Variants in RANBP2 observed in about 807,000 individuals in gnomAD.
The protein encoded by RANBP2 is E3 SUMO-protein ligase RanBP2.
RANBP2 carries 57 observed loss-of-function variants against 303.6 expected under a neutral mutation model. The ratio of observed to expected loss-of-function variants is 0.19; its 90% CI spans 0.15 to 0.23. The LOEUF (loss-of-function observed/expected upper bound fraction) is 0.23. RANBP2 is among the 10% of genes least tolerant of loss of function. RANBP2 has a pLI of 1.00. For missense variants in RANBP2, 3,138 were observed against 3,780.8 expected (o/e 0.83, Z 4.46); for synonymous variants, 1,167 against 1,301.5 (o/e 0.90, Z 2.23).
the RANBP2 span, among the ~76,000 whole-genome samples, chr2:109,554,212 A>G: frequency 6.6e-6 from 1 of 152,140 alleles, no homozygotes; most frequent in Non-Finnish European, 1.5e-5. Context: ...AAATCAGGGA[A>G]TAGATGTTTG....
chr2:108,885,557 A>G, the RANBP2 span: 1 of 152,212 alleles, frequency 6.6e-6, no homozygotes, highest in Non-Finnish European at 1.5e-5. Flanking sequence ...TATTTGTACA[A>G]ATCTATGGGA....
At chr2:109,676,278 C>T in the RANBP2 span, among the ~76,000 whole-genome samples, 1 of 152,222 alleles carries the variant, frequency 6.6e-6, no homozygotes, top group Non-Finnish European at 1.5e-5. Context: ...GTTAGCACCT[C>T]CATCACCCTT....
At chr2:109,253,433 C>T in the RANBP2 span, among the ~76,000 whole-genome samples, 170 of 152,272 alleles carry the variant, frequency 1.1e-3, 1 homozygote, top group African/African-American at 3.8e-3. Flanking sequence ...AGGACGTGGG[C>T]GCTGCTTTCC....
chr2:109,219,479 A>G, the RANBP2 span, among the ~76,000 whole-genome samples: 2 of 152,142 alleles, frequency 1.3e-5, no homozygotes, highest in African/African-American at 4.8e-5. Context: ...AAAATAAATT[A>G]TTGGCTTCCA....
chr2:109,370,266 G>GTC, the RANBP2 span, among the ~76,000 whole-genome samples: 1 of 149,734 alleles, frequency 6.7e-6, no homozygotes, highest in Non-Finnish European at 1.5e-5. Context: ...TTAATATGGA[G>GTC]TCTCACTCTG....
chr2:109,112,375 G>T, the RANBP2 span, among the ~76,000 whole-genome samples: 1 of 142,358 alleles, frequency 7.0e-6, no homozygotes, highest in Non-Finnish European at 1.5e-5. Context: ...GCATTTCTCT[G>T]ATGGCCAGTG....
At chr2:109,629,355 ATTTTTTTTTT>A in the RANBP2 span, among the ~76,000 whole-genome samples, 1 of 15,360 alleles carries the variant, frequency 6.5e-5, no homozygotes, top group African/African-American at 1.8e-4. Context: ...ATATATATAT[ATTTTTTTTTT>A]TTTTTTCATT....
At chr2:109,075,749 T>C in the RANBP2 span, among the ~76,000 whole-genome samples, 1 of 150,436 alleles carries the variant, frequency 6.6e-6, no homozygotes, top group African/African-American at 2.4e-5. Context: ...CCTAGAAGCA[T>C]GCAACCTACC....
At chr2:109,512,991 A>C in the RANBP2 span, among the ~76,000 whole-genome samples, 2 of 152,180 alleles carry the variant, frequency 1.3e-5, no homozygotes, top group African/African-American at 2.4e-5. Flanking sequence ...AAGGGAGGGA[A>C]ACCTGCAAGA....
the RANBP2 span, among the ~76,000 whole-genome samples, chr2:109,083,731 GTTT>G: frequency 6.6e-6 from 1 of 152,128 alleles, no homozygotes; most frequent in Non-Finnish European, 1.5e-5. Context: ...CCACCATCCT[GTTT>G]TCTGCCGTGG....
chr2:109,714,459 G>A, the RANBP2 span, among the ~76,000 whole-genome samples: 18 of 151,202 alleles, frequency 1.2e-4, no homozygotes, highest in Non-Finnish European at 2.5e-4. Flanking sequence ...GCACCACCAC[G>A]CCTGGCTAAT....
At chr2:109,209,828 T>A in the RANBP2 span, among the ~76,000 whole-genome samples, 1 of 152,346 alleles carries the variant, frequency 6.6e-6, no homozygotes, top group Admixed American at 6.5e-5. Context: ...GATTTATTAT[T>A]GTGACAAAAC....
chr2:109,031,465 G>C, the RANBP2 span, among the ~76,000 whole-genome samples: 2 of 152,222 alleles, frequency 1.3e-5, no homozygotes, highest in African/African-American at 2.4e-5. Flanking sequence ...CTGTTGCACC[G>C]GGGACTGGGC....
the RANBP2 span, among the ~76,000 whole-genome samples, chr2:108,997,646 C>T: frequency 6.6e-6 from 1 of 151,948 alleles, no homozygotes; most frequent in African/African-American, 2.4e-5. Flanking sequence ...AATCCCAGTA[C>T]TGTGAGAGGC....
At chr2:109,400,195 A>C in the RANBP2 span, among the ~76,000 whole-genome samples, 1 of 152,134 alleles carries the variant, frequency 6.6e-6, no homozygotes, top group South Asian at 2.1e-4. Context: ...CAGCCTAGAA[A>C]TGCCCCCTAC....
At chr2:109,657,856 AT>A in the RANBP2 span, among the ~76,000 whole-genome samples, 1 of 150,088 alleles carries the variant, frequency 6.7e-6, no homozygotes, top group Non-Finnish European at 1.5e-5. Context: ...AGTAGCTGGT[AT>A]TACAGGCACG....
chr2:109,683,118 G>A, the RANBP2 span, among the ~76,000 whole-genome samples: 1 of 152,094 alleles, frequency 6.6e-6, no homozygotes, highest in Non-Finnish European at 1.5e-5. Flanking sequence ...AAATTCTCCT[G>A]CCTCACCCTC....
At chr2:108,853,840 A>AAT in the RANBP2 span, among the ~76,000 whole-genome samples, 10 of 133,692 alleles carry the variant, frequency 7.5e-5, no homozygotes, top group East Asian at 1.0e-3. Flanking sequence ...TTCTATATGC[A>AAT]ATATATATAT....
chr2:109,588,998 A>G, the RANBP2 span, among the ~76,000 whole-genome samples: 2 of 151,828 alleles, frequency 1.3e-5, no homozygotes, highest in Non-Finnish European at 2.9e-5. Flanking sequence ...ATTAGTTATC[A>G]AGAAAATGTA....
Sources: allele counts gnomAD v4.1 joint callset (sites outside exome capture counted in the v4.1 genomes callset), GRCh38; gene constraint gnomAD v4.1.1; transcripts MANE v1.5; gene names NCBI Gene and HGNC (gene_info 2026-07-23, HGNC 2026-07-21).